MUC5AC: variants seen among roughly 807,000 people sequenced by gnomAD.
MUC5AC encodes the protein mucin-5AC.
A neutral mutation model predicts 169.7 loss-of-function variants in MUC5AC; 158 were observed. The ratio of observed to expected loss-of-function variants is 0.93; its 90% confidence interval spans 0.82 to 1.06. The LOEUF (loss-of-function observed/expected upper bound fraction) is 1.06, where lower values mean the gene tolerates loss of function less well. Among genes scored for constraint, MUC5AC ranks in the 50% least tolerant of loss-of-function variants. The pLI is 0.00. For missense variants in MUC5AC, 4,359 were observed against 3,089.9 expected (o/e 1.41, Z -9.74); for synonymous variants, 1,975 against 1,237.0 (o/e 1.60, Z -12.52).
chr11:1,176,854 A>G (rs949683111), intron 21 of MUC5AC, 74 bp from the exon 22 acceptor site: 67,800 of 398,526 alleles, frequency 0.17, 6,492 homozygotes, highest in Non-Finnish European at 0.2. Context: ...AGGTCCCCCC[A>G]GGGGTAGGAA....
In MUC5AC at chr11:1,158,012, C is replaced by A. The variant is rs578212250; in HGVS notation, c.13C>A (p.Arg5=). 1.2e-6 allele frequency: 2 copies of A among 1,602,276 alleles called. No homozygotes were observed. Among genetic ancestry groups the A allele is most frequent in the South Asian group, 2.3e-5 (2 of 88,632 alleles). The change falls in exon 1 of 49, where the codon CGG becomes AGG. Residue 5 remains arginine, a synonymous_variant. Transcript: ENST00000621226. ...CGCCGTCCACACAATGAGTGTTGGCCGGAGGAAGCTGGCCCTGCTCTGGGC... is the reference window on the plus strand; with the variant it reads ...CGCCGTCCACACAATGAGTGTTGGCAGGAGGAAGCTGGCCCTGCTCTGGGC... MSVG[R]RKLALLWALA...
chr11:1,160,977 T>C (rs1485308810), intron 2 of MUC5AC, among the ~76,000 whole-genome samples: 3 of 152,218 alleles, frequency 2.0e-5, no homozygotes, highest in Non-Finnish European at 4.4e-5. Context: ...TCCGGGGATC[T>C]GGAGCTGGGT....
At position 1,162,202 on chromosome 11, in the gene MUC5AC, C is replaced by T. The variant is rs543123705; in HGVS notation, c.473+34C>T. The T allele has an allele frequency of 3.6e-5, 58 of 1,597,568 alleles. No individual in the cohort carries two copies. In the East Asian group the frequency reaches 7.9e-4, roughly 22 times the overall value. ...GGGTTCTGGGATGGTGGGGGCCACG[C>T]GGCGTGTGGGGTGGCATTTCCGGGT... On this transcript the variant is annotated intron_variant, in intron 4 of 48. Coordinates refer to ENST00000621226, the MANE Select transcript of MUC5AC (RefSeq NM_001304359.2).
At chr11:1,179,736 C>T (rs1253053775) in intron 26 of MUC5AC, among the ~76,000 whole-genome samples, 3 of 151,868 alleles carry the variant, frequency 2.0e-5, no homozygotes, top group East Asian at 1.9e-4. Flanking sequence ...CGTGGTAGAA[C>T]GTTCTGGGCA....
intron 32 of MUC5AC, among the ~76,000 whole-genome samples, chr11:1,193,262 G>C (rs887521726): frequency 3.9e-5 from 6 of 152,218 alleles, no homozygotes; most frequent in Non-Finnish European, 8.8e-5. Flanking sequence ...GCACAGCCAG[G>C]GAGTGTGGCA....
At position 1,199,765 on chromosome 11, in the gene MUC5AC, G is replaced by A. The variant is rs769945232; in HGVS notation, c.16585+1G>A. The A allele has an allele frequency of 5.6e-6, 4 of 716,684 alleles. No individual in the cohort carries two copies. Among genetic ancestry groups the A allele is most frequent in the Admixed American group, 1.9e-5 (1 of 51,458 alleles). The allele number at this position is 716,684 out of a possible 1,614,324, so 44.4% of individuals were successfully genotyped here. On this transcript the variant is annotated splice_donor_variant, in intron 47 of 48. Coordinates refer to ENST00000621226, the MANE Select transcript of MUC5AC (RefSeq NM_001304359.2). LOFTEE classifies it high-confidence loss of function. The stretch of plus-strand genomic sequence containing the variant: ...CCGCCCCCGCCCCCGTACCAGAACC[G>A]TGAGTACCCAGCCTGCTGGGCGGGG...
At chr11:1,193,123 C>T in intron 32 of MUC5AC, 141 bp downstream of exon 32, 16 of 594,882 alleles carry the variant, frequency 2.7e-5, no homozygotes, top group Non-Finnish European at 4.8e-5. Flanking sequence ...AGGAGAGGGC[C>T]ATGCTGTAGC....
chr11:1,181,121 C>G lies in MUC5AC; in HGVS notation c.3777-18C>G. 2 of 398,566 alleles carry G rather than the reference C, an allele frequency of 5.0e-6. No homozygotes were observed. Among genetic ancestry groups the G allele is most frequent in the South Asian group, 2.5e-4 (2 of 7,866 alleles). The allele number at this position is 398,566 out of a possible 1,614,324, so 24.7% of individuals were successfully genotyped here. ...GGCCGCCCCCACGCATCGGCCTGCC[C>G]TTCTTCCTTGTCTCCAGCCTTTGTA... On this transcript the variant is annotated intron_variant, in intron 28 of 48. Transcript: ENST00000621226.
intron 1 of MUC5AC, among the ~76,000 whole-genome samples, chr11:1,158,319 T>G (rs984664571): frequency 6.6e-6 from 1 of 152,124 alleles, no homozygotes; most frequent in African/African-American, 2.4e-5. Flanking sequence ...AAGTAGGAGC[T>G]CAGATCTCGG....
chr11:1,178,575 T>C lies in MUC5AC; in HGVS notation c.3219T>C (p.Asp1073=). The C allele has an allele frequency of 1.4e-6, 2 of 1,407,898 alleles. No homozygotes were observed. Among genetic ancestry groups the C allele is most frequent in the African/African-American group, 1.5e-5 (1 of 67,760 alleles). The allele number at this position is 1,407,898 out of a possible 1,614,324, so 87.2% of individuals were successfully genotyped here. A position where few individuals can be genotyped will look rare whatever the true frequency, so the allele number is the denominator to read the frequency against. Residue 1073 remains aspartate (D), a synonymous_variant, in exon 25 of 49, where the codon GAT becomes GAC. Coordinates refer to ENST00000621226, the MANE Select transcript of MUC5AC (RefSeq NM_001304359.2). ...NSWKLSPSCP[D]ALAPKDPCTA... is the part of the protein sequence containing the mutation. ...GGAAGCTCTCCCCCTCCTGCCCAGA[T>C]GCCCTGGCGCCCAAGGACCCCTGCA...
Position 1,195,866 on chromosome 11 carries a change from C to CA in MUC5AC, c.15459-10_15459-9insA. On this transcript the variant is annotated splice_polypyrimidine_tract_variant and intron_variant, in intron 36 of 48. Coordinates refer to ENST00000621226, the MANE Select transcript of MUC5AC (RefSeq NM_001304359.2). ...GGCTGCACCCAGCACCCTGCCCATC[C>CA]CTCCCACAGGGTCTTTGAGCCGTGC... is the stretch of plus-strand genomic sequence containing the variant. 6.6e-6 allele frequency: 5 copies of CA among 762,048 alleles called. No homozygotes were observed. Among genetic ancestry groups the CA allele is most frequent in the Non-Finnish European group, 1.2e-5 (5 of 415,818 alleles). The allele number at this position is 762,048 out of a possible 1,614,324, so 47.2% of individuals were successfully genotyped here.
intron 1 of MUC5AC, 27 bp downstream of exon 1, chr11:1,158,099 C>A (rs1273699907): frequency 1.3e-6 from 2 of 1,575,836 alleles, no homozygotes; most frequent in East Asian, 4.6e-5. Flanking sequence ...GGCCGCTCTA[C>A]TGGTCCTGGG....
rs188460038 is a variant in MUC5AC, at chr11:1,163,982, C to T, written c.780C>T (p.Ser260=). Residue 260 remains serine (S), a synonymous_variant, in exon 7 of 49, where the codon TCC becomes TCT. Coordinates refer to ENST00000621226, the MANE Select transcript of MUC5AC (RefSeq NM_001304359.2). ...DPVPEPPRNC[S]TGFGICEELL... ...TCCCTGAACCCCCGAGGAACTGCTC[C>T]ACTGGCTTTGTAAGCCTTGGAGGGA... The T allele has an allele frequency of 6.2e-7, 1 of 1,610,706 alleles. No homozygotes were observed. Among genetic ancestry groups the T allele is most frequent in the Non-Finnish European group, 8.5e-7 (1 of 1,179,038 alleles).
chr11:1,189,600 C>A lies in MUC5AC; in HGVS notation c.11455C>A (p.Pro3819Thr). Residue 3819 changes from proline (P) to threonine (T), a missense_variant, in exon 31 of 49, where the codon CCG becomes ACG. By Grantham distance (38) the Pro-to-Thr change is conservative. Transcript: ENST00000621226. ...SSPTTSTTSTPQTSTTSSPTT... is the reference protein window; with the variant it reads ...SSPTTSTTSTTQTSTTSSPTT... ...CCCTACAACCAGCACAACCTCCACTCCGCAGACCAGCACAACCTCTTCCCC... is the reference window on the plus strand; with the variant it reads ...CCCTACAACCAGCACAACCTCCACTACGCAGACCAGCACAACCTCTTCCCC... The A allele has an allele frequency of 1.6e-6, 1 of 614,124 alleles. No individual in the cohort carries two copies. The highest frequency in any genetic ancestry group is 2.9e-6 in the Non-Finnish European group (1 of 344,620). The allele number at this position is 614,124 out of a possible 1,614,324, so 38.0% of individuals were successfully genotyped here.
At position 1,196,871 on chromosome 11, in the gene MUC5AC, T is replaced by G; in HGVS notation, c.15830-6T>G. 4 of 762,846 alleles carry G rather than the reference T, an allele frequency of 5.2e-6. No homozygotes were observed. The East Asian group carries it at 9.7e-5, about 19-fold the overall frequency. 47.3% of individuals were successfully genotyped at this position (762,846 alleles called of 1,614,324 possible). The stretch of plus-strand genomic sequence containing the variant: ...CCCCAGTAACCTCAGATCTCTCTCC[T>G]TCCAGGGTGTCTGGGGCCCCACGGA... On this transcript the variant is annotated splice_region_variant and splice_polypyrimidine_tract_variant and intron_variant, in intron 39 of 48. Coordinates refer to ENST00000621226, the MANE Select transcript of MUC5AC (RefSeq NM_001304359.2).
intron 43 of MUC5AC, 48 bp downstream of exon 43, chr11:1,198,353 C>T (rs1268624855): frequency 1.4e-6 from 1 of 719,228 alleles, no homozygotes; most frequent in Non-Finnish European, 2.5e-6. Flanking sequence ...GACGGAGCTT[C>T]CCACTGACCC....
At chr11:1,193,928 C>T (rs1416400556) in intron 33 of MUC5AC, among the ~76,000 whole-genome samples, 182 bp from the exon 34 acceptor site, 4 of 152,244 alleles carry the variant, frequency 2.6e-5, no homozygotes, top group African/African-American at 9.6e-5. Flanking sequence ...TGTCAAGCGC[C>T]CGCTGGATGG....
chr11:1,183,730 A>G lies in MUC5AC; in HGVS notation c.5585A>G (p.Gln1862Arg). 1.8e-6 allele frequency: 1 copy of G among 550,488 alleles called. No individual in the cohort carries two copies. The highest frequency in any genetic ancestry group is 3.2e-6 in the Non-Finnish European group (1 of 314,022). The allele number at this position is 550,488 out of a possible 1,614,324, so 34.1% of individuals were successfully genotyped here. A position where few individuals can be genotyped will look rare whatever the true frequency, so the allele number is the denominator to read the frequency against. Residue 1862 changes from glutamine (Q) to arginine (R), a missense_variant, in exon 31 of 49, where the codon CAG becomes CGG. Gln to Arg is a conservative substitution (Grantham distance 43, BLOSUM62 1). Coordinates refer to ENST00000621226, the MANE Select transcript of MUC5AC (RefSeq NM_001304359.2). ...GGCTCCACCTCTAGCAGTCCAGCCC[A>G]GACCACTCCTTCAACAACCTCCAAG... ...TPGSTSSSPAQTTPSTTSKTT... is the reference protein window; with the variant it reads ...TPGSTSSSPARTTPSTTSKTT...
chr11:1,186,876 G>C lies in MUC5AC; in HGVS notation c.8731G>C (p.Ala2911Pro). The change falls in exon 31 of 49, where the codon GCC becomes CCC. Residue 2911 changes from alanine to proline, a missense_variant. Coordinates refer to ENST00000621226, the MANE Select transcript of MUC5AC (RefSeq NM_001304359.2). ...TSAPTTSTTS[A>P]PTTSTTSAPT... ...TGCTCCTACAACCAGCACAACCTCT[G>C]CCCCTACAACCAGCACAACCTCTGC... 1 of 728,940 alleles carries C rather than the reference G, an allele frequency of 1.4e-6. No homozygotes were observed. The highest frequency in any genetic ancestry group is 1.4e-5 in the South Asian group (1 of 70,266). 45.2% of individuals were successfully genotyped at this position (728,940 alleles called of 1,614,324 possible).
Sources: allele counts gnomAD v4.1 joint callset (sites outside exome capture counted in the v4.1 genomes callset), GRCh38; gene constraint gnomAD v4.1.1; transcripts MANE v1.5; gene names NCBI Gene and HGNC (gene_info 2026-07-23, HGNC 2026-07-21).